OSBPL7: variants seen among roughly 807,000 people sequenced by gnomAD.
OSBPL7 encodes the protein oxysterol binding protein like 7.
A neutral mutation model predicts 115.8 loss-of-function variants in OSBPL7; 66 were observed. The observed-to-expected ratio is 0.57, with a 90% CI of 0.47 to 0.70. The LOEUF is 0.70. Ranked by LOEUF, OSBPL7 falls within the 30% of genes least tolerant of loss-of-function variation. The pLI, the probability that OSBPL7 is intolerant of heterozygous loss-of-function variation, is 0.00. For missense variants in OSBPL7, 902 were observed against 1,125.5 expected (o/e 0.80, Z 2.84); for synonymous variants, 441 against 439.2 (o/e 1.00, Z -0.05).
rs1442409460 is a variant in OSBPL7 at position 47,816,708 on chromosome 17, G to C, written c.796-13C>G. ...GGAGACGACCAACCTGTAGGTGAAG[G>C]GGAAGGGCTGAAGGGGCCGGCCTCC... is the stretch of plus-strand genomic sequence containing the variant. On this transcript the variant is annotated splice_polypyrimidine_tract_variant and intron_variant, in intron 9 of 22. Coordinates refer to ENST00000007414, the MANE Select transcript of OSBPL7 (RefSeq NM_145798.3). This position sits in a 1 kb window ranked among gnomAD's most constrained non-coding sequence, Gnocchi z 5.8. 4 of 1,613,986 alleles carry C rather than the reference G, an allele frequency of 2.5e-6. No individual in the cohort carries two copies. Among genetic ancestry groups the C allele is most frequent in the South Asian group, 1.1e-5 (1 of 91,082 alleles).
In OSBPL7 at chr17:47,818,506, C is replaced by T; in HGVS notation, c.480G>A (p.Lys160=). The stretch of plus-strand genomic sequence containing the variant: ...GCCCCCACCCCAGGGTCCACCTTAC[C>T]TTCCGGTGAGCAGTACTGGGCAGTG... ...RGSLPSTAHR[K]VPGAQLPTAA... The change falls in exon 6 of 23, where the codon AAG becomes AAA. Residue 160 remains lysine, a splice_region_variant and synonymous_variant. Coordinates refer to ENST00000007414, the MANE Select transcript of OSBPL7 (RefSeq NM_145798.3). 1 of 1,596,712 alleles carries T rather than the reference C, an allele frequency of 6.3e-7. No homozygotes were observed. The highest frequency in any genetic ancestry group is 8.5e-7 in the Non-Finnish European group (1 of 1,170,062).
At chr17:47,815,943 C>T (rs1271911905) in intron 12 of OSBPL7, 164 bp downstream of exon 12, 10 of 587,222 alleles carry the variant, frequency 1.7e-5, no homozygotes, top group Admixed American at 9.5e-5. Flanking sequence ...ACACAATGAT[C>T]GAGATGGGGC....
chr17:47,820,973 C>T (rs2033378376), intron 1 of OSBPL7: 2 of 152,230 alleles, frequency 1.3e-5, no homozygotes, highest in African/African-American at 4.8e-5. Flanking sequence ...CCTTTTTGGA[C>T]CCTCAGTACC....
At chr17:47,819,246 T>G in intron 4 of OSBPL7, 147 bp from the exon 5 acceptor site, 1 of 639,262 alleles carries the variant, frequency 1.6e-6, no homozygotes, top group South Asian at 1.9e-5. Flanking sequence ...AGTAGAGACT[T>G]GTCAATCATC....
At chr17:47,815,674 AT>A in intron 12 of OSBPL7, 1 of 353,982 alleles carries the variant, frequency 2.8e-6, no homozygotes, top group Middle Eastern at 7.7e-4. Context: ...GGTAGGTGCA[AT>A]TATCACCCCC....
chr17:47,814,479 A>ACCCCCCCC, intron 14 of OSBPL7, 42 bp downstream of exon 14: 7 of 1,086,684 alleles, frequency 6.4e-6, no homozygotes, highest in South Asian at 1.2e-5. Context: ...CTGTTTTTCC[A>ACCCCCCCC]CCCGCCTCCC....
chr17:47,813,749 C>T lies in OSBPL7; in HGVS notation c.1437G>A (p.Leu479=), dbSNP rs756787143. ...AASGPGADVS[L]WNILRNNIGK... The stretch of plus-strand genomic sequence containing the variant: ...CGATGTTGTTGCGCAGAATGTTCCA[C>T]AGGCTCACGTCAGCCCCAGGCCCGC... Residue 479 remains leucine (L), a synonymous_variant, in exon 15 of 23, where the codon CTG becomes CTA. Transcript: ENST00000007414. The T allele has an allele frequency of 3.3e-5, 53 of 1,613,240 alleles. No individual in the cohort carries two copies. The highest frequency in any genetic ancestry group is 2.2e-5 in the Non-Finnish European group (26 of 1,179,966).
chr17:47,815,179 T>C (rs55998645), intron 13 of OSBPL7, 36 bp downstream of exon 13: 548,078 of 1,590,360 alleles, frequency 0.34, 102,749 homozygotes, highest in Non-Finnish European at 0.39. Context: ...AGGTCCCCCC[T>C]ACCCCGCCTC....
At position 47,817,092 on chromosome 17, in the gene OSBPL7, G is replaced by A. The variant is rs899631293; in HGVS notation, c.702+164C>T. 4.3e-6 allele frequency: 3 copies of A among 703,300 alleles called. No homozygotes were observed. The African/African-American group carries it at 5.3e-5, about 13-fold the overall frequency. The allele number at this position is 703,300 out of a possible 1,614,324, so 43.6% of individuals were successfully genotyped here. A position where few individuals can be genotyped will look rare whatever the true frequency, so the allele number is the denominator to read the frequency against. On this transcript the variant is annotated intron_variant, in intron 8 of 22. Transcript: ENST00000007414. Reference sequence around the variant, plus strand: ...AGAGGCATGGGCATGGAGGAACAGAGACAATCTTGATACAGTTTGGACATG... The same window carrying A: ...AGAGGCATGGGCATGGAGGAACAGAAACAATCTTGATACAGTTTGGACATG...
intron 18 of OSBPL7, 141 bp from the exon 19 acceptor site, chr17:47,809,619 T>G: frequency 2.2e-6 from 2 of 914,638 alleles, no homozygotes; most frequent in South Asian, 3.4e-5. Flanking sequence ...CAGTGAAGGA[T>G]GACTTATATT....
chr17:47,818,161 C>T, intron 7 of OSBPL7, 108 bp downstream of exon 7: 1 of 944,502 alleles, frequency 1.1e-6, no homozygotes, highest in South Asian at 1.6e-5. Context: ...CAGAGGCTGT[C>T]TCATTAAACT....
At chr17:47,813,140 GCA>G in intron 16 of OSBPL7, 124 bp downstream of exon 16, 2 of 1,321,804 alleles carry the variant, frequency 1.5e-6, no homozygotes, top group Non-Finnish European at 2.1e-6. Flanking sequence ...GCAGAGCCCG[GCA>G]CAGAGCCAAC....
intron 14 of OSBPL7, 38 bp downstream of exon 14, chr17:47,814,483 G>GCCCCCCCCC: frequency 2.4e-6 from 1 of 418,566 alleles, no homozygotes; most frequent in East Asian, 4.8e-5. Flanking sequence ...TTTTCCACCC[G>GCCCCCCCCC]CCTCCCACCC....
chr17:47,813,311 G>A lies in OSBPL7; in HGVS notation c.1692C>T (p.Tyr564=), dbSNP rs139168515. 25 of 1,614,080 alleles carry A rather than the reference G, an allele frequency of 1.5e-5. No homozygotes were observed. In the East Asian group the frequency reaches 3.1e-4, roughly 20 times the overall value. ...AGCCTCGGTCAGGCCGCTCACACTC[G>A]TAGGTCTCCCCCAGGACAGGGTTGA... The part of the protein sequence containing the change: ...KPFNPVLGET[Y]ECERPDRGFR... Residue 564 remains tyrosine (Y), a synonymous_variant, in exon 16 of 23, where the codon TAC becomes TAT. Coordinates refer to ENST00000007414, the MANE Select transcript of OSBPL7 (RefSeq NM_145798.3).
chr17:47,808,641 T>C lies in OSBPL7; in HGVS notation c.2317A>G (p.Ile773Val), dbSNP rs370635499. The C allele has an allele frequency of 6.2e-7, 1 of 1,614,202 alleles. No homozygotes were observed. Among genetic ancestry groups the C allele is most frequent in the African/African-American group, 1.3e-5 (1 of 75,062 alleles). ...CTCTTCTGGGCCTCAGCGGCCTGTA[T>C]GTTCCCCTCCTCCAGGTACCTGAGG... ...PDQRYLEEGNIQAAEAQKRRI... is the reference protein window; with the variant it reads ...PDQRYLEEGNVQAAEAQKRRI... Residue 773 changes from isoleucine (I) to valine (V), a missense_variant, in exon 22 of 23, where the codon ATA becomes GTA. Around this residue, in one of 3 missense-constraint regions of OSBPL7, gnomAD observed 230 missense variants for 312.7 expected, o/e 0.74. Transcript: ENST00000007414. The surrounding 1 kb of genome is among the most constrained non-coding windows in gnomAD (Gnocchi z 6.1).
At chr17:47,814,677 C>T in intron 13 of OSBPL7, 63 bp from the exon 14 acceptor site, 1 of 1,446,942 alleles carries the variant, frequency 6.9e-7, no homozygotes, top group Non-Finnish European at 9.6e-7. Context: ...GGGCAGTGCC[C>T]AGGGCCTGGC....
rs1418943087 is a variant in OSBPL7, at chr17:47,808,949, G to A, written c.2212C>T (p.Gln738Ter). The change falls in exon 21 of 23, where the codon CAG becomes TAG. Residue 738 changes from glutamine to a stop codon, truncating the protein, a stop_gained. Coordinates refer to ENST00000007414, the MANE Select transcript of OSBPL7 (RefSeq NM_145798.3). LOFTEE classifies it high-confidence loss of function. The surrounding 1 kb of genome is among the most constrained non-coding windows in gnomAD (Gnocchi z 6.1). ...PDHERNFGFT[Q>*]FALELNELTA... The stretch of plus-strand genomic sequence containing the variant: ...AGCTCATTCAGCTCCAAGGCAAACT[G>A]GGTGAAGCCGAAGTTTCGCTCATGG... 1 of 1,614,242 alleles carries A rather than the reference G, an allele frequency of 6.2e-7. No individual in the cohort carries two copies. The highest frequency in any genetic ancestry group is 8.5e-7 in the Non-Finnish European group (1 of 1,180,038).
Position 47,814,506 on chromosome 17 carries a change from C to T in OSBPL7, c.1351+15G>A. 6.2e-7 allele frequency: 1 copy of T among 1,603,230 alleles called. No homozygotes were observed. The highest frequency in any genetic ancestry group is 1.1e-5 in the South Asian group (1 of 90,792). ...CCGCCTCCCACCCCTCCCTGCCTGC[C>T]CACCCAGCTGGCACCTTTCTGACAG... On this transcript the variant is annotated intron_variant, in intron 14 of 22. Coordinates refer to ENST00000007414, the MANE Select transcript of OSBPL7 (RefSeq NM_145798.3).
At position 47,809,102 on chromosome 17, in the gene OSBPL7, G is replaced by T. The variant is rs143564256; in HGVS notation, c.2144C>A (p.Pro715Gln). 2.8e-5 allele frequency: 46 copies of T among 1,614,118 alleles called. No homozygotes were observed. The African/African-American group carries it at 6.0e-4, about 21-fold the overall frequency. Residue 715 changes from proline (P) to glutamine (Q), a missense_variant, in exon 20 of 23, where the codon CCA becomes CAA. Pro to Gln is a moderately conservative substitution (Grantham distance 76). This residue lies in a region of OSBPL7 where 230 missense variants were observed against 312.7 expected (regional missense o/e 0.74). Coordinates refer to ENST00000007414, the MANE Select transcript of OSBPL7 (RefSeq NM_145798.3). ...WHEGLYRGPT[P>Q]GGQCIWKPNS... ...GGGTTTCCAGATGCACTGGCCACCT[G>T]GCGTGGGTCCCCGGTACAGCCCCTC...
Sources: gnomAD v4.1 joint callset for allele counts on GRCh38, gnomAD v4.1.1 for gene constraint, gnomAD v4.1.1 regional missense constraint, Gnocchi (gnomAD v3.1) non-coding constraint, MANE v1.5 for transcripts, NCBI Gene and HGNC (gene_info 2026-07-23, HGNC 2026-07-21) for gene names.